TRIM9: variants seen among roughly 807,000 people sequenced by gnomAD.
TRIM9 encodes the protein E3 ubiquitin-protein ligase TRIM9.
Under a neutral mutation model 78.3 loss-of-function variants are expected in TRIM9, and 26 were observed. That is an observed-to-expected ratio of 0.33 (90% CI 0.24 to 0.46). The LOEUF (loss-of-function observed/expected upper bound fraction) is 0.46, where lower values mean the gene tolerates loss of function less well. Among genes scored for constraint, TRIM9 ranks in the 20% least tolerant of loss-of-function variants. The pLI, the probability that TRIM9 is intolerant of heterozygous loss-of-function variation, is 1.00. For missense variants in TRIM9, 787 were observed against 1,036.4 expected, an observed-to-expected ratio of 0.76 and a Z score of 3.30; for synonymous variants, 398 against 416.5, an observed-to-expected ratio of 0.96 and a Z score of 0.54.
At chr14:51,074,748 AGT>A (rs1289365186) in intron 1 of TRIM9, among the ~76,000 whole-genome samples, 1 of 152,228 alleles carries the variant, frequency 6.6e-6, no homozygotes, top group African/African-American at 2.4e-5. Flanking sequence ...AAAGCTGGTC[AGT>A]GTGTGTTCTC....
intron 5 of TRIM9, among the ~76,000 whole-genome samples, chr14:51,004,710 G>A (rs2139572593): frequency 6.6e-6 from 1 of 152,264 alleles, no homozygotes; most frequent in Admixed American, 6.5e-5. Context: ...TGAGGAAATG[G>A]AAACACAGTA....
At chr14:51,023,341 G>A (rs909007858) in intron 2 of TRIM9, among the ~76,000 whole-genome samples, 2 of 152,172 alleles carry the variant, frequency 1.3e-5, no homozygotes, top group Admixed American at 6.5e-5. Flanking sequence ...CATTGCTGAG[G>A]CACGAGAAAT....
At chr14:51,074,855 G>T (rs570352470) in intron 1 of TRIM9, among the ~76,000 whole-genome samples, 11 of 152,242 alleles carry the variant, frequency 7.2e-5, no homozygotes, top group Non-Finnish European at 1.2e-4. Context: ...CACTTCCAAG[G>T]CATAGGTAAA....
intron 1 of TRIM9, among the ~76,000 whole-genome samples, chr14:51,037,073 C>A (rs2059215562): frequency 1.3e-5 from 2 of 151,894 alleles, no homozygotes; most frequent in Admixed American, 1.3e-4. Context: ...CCATGTAAAC[C>A]AAGATTTGTC....
chr14:51,050,638 A>T (rs549262795), intron 1 of TRIM9, among the ~76,000 whole-genome samples: 1 of 152,322 alleles, frequency 6.6e-6, no homozygotes, highest in East Asian at 1.9e-4. Context: ...GACTGTCCCA[A>T]CCAAAAGAAT....
At chr14:51,012,067 CA>C (rs1310832480) in intron 3 of TRIM9, among the ~76,000 whole-genome samples, 2 of 152,142 alleles carry the variant, frequency 1.3e-5, no homozygotes, top group Non-Finnish European at 2.9e-5. Flanking sequence ...GTTATTGTGG[CA>C]AAATATACAC....
At chr14:51,020,906 T>C (rs888713611) in intron 3 of TRIM9, among the ~76,000 whole-genome samples, 34 of 152,222 alleles carry the variant, frequency 2.2e-4, no homozygotes, top group African/African-American at 8.2e-4. Context: ...CTGTTCACCA[T>C]GTTCTGTTAA....
At chr14:51,046,487 A>G (rs898111941) in intron 1 of TRIM9, among the ~76,000 whole-genome samples, 1 of 152,216 alleles carries the variant, frequency 6.6e-6, no homozygotes, top group Middle Eastern at 3.2e-3. Context: ...ATTTCTGTAC[A>G]TTAATTCTTA....
chr14:51,012,776 T>A (rs973976429), intron 3 of TRIM9, among the ~76,000 whole-genome samples: 1 of 152,232 alleles, frequency 6.6e-6, no homozygotes, highest in Non-Finnish European at 1.5e-5. Context: ...TGGTATCTCA[T>A]TGTGGTTTCA....
intron 7 of TRIM9, chr14:50,986,488 G>T (rs985913039): frequency 5.9e-6 from 1 of 170,136 alleles, no homozygotes; most frequent in Non-Finnish European, 1.2e-5. Context: ...TGATGACCAA[G>T]AGGATATTAT....
At chr14:51,045,006 C>T (rs141329193) in intron 1 of TRIM9, among the ~76,000 whole-genome samples, 120 of 152,228 alleles carry the variant, frequency 7.9e-4, no homozygotes, top group Non-Finnish European at 1.5e-3. Context: ...ATTTATTTGT[C>T]TAAGAGGGCG....
At chr14:51,020,020 GGA>G (rs1186917060) in intron 3 of TRIM9, among the ~76,000 whole-genome samples, 3 of 152,180 alleles carry the variant, frequency 2.0e-5, no homozygotes, top group African/African-American at 2.4e-5. Context: ...GATTGCTCAA[GGA>G]GAGAGAGTTG....
At chr14:51,018,888 C>G (rs1007202760) in intron 3 of TRIM9, among the ~76,000 whole-genome samples, 14 of 152,118 alleles carry the variant, frequency 9.2e-5, no homozygotes, top group African/African-American at 3.4e-4. Context: ...ATACATATCG[C>G]CTCTTACTAT....
intron 8 of TRIM9, 118 bp downstream of exon 8, chr14:50,985,834 CACAG>C (rs2052635732): frequency 1.1e-6 from 1 of 903,382 alleles, no homozygotes. Context: ...GAAAGCAGGC[CACAG>C]ACAGAGACTA....
intron 1 of TRIM9, among the ~76,000 whole-genome samples, chr14:51,076,817 G>T (rs187422211): frequency 6.6e-6 from 1 of 152,124 alleles, no homozygotes; most frequent in Non-Finnish European, 1.5e-5. Flanking sequence ...GCCTACCACC[G>T]TCCTTCCCAC....
intron 1 of TRIM9, among the ~76,000 whole-genome samples, chr14:51,090,339 A>G (rs553892779): frequency 6.6e-6 from 1 of 152,354 alleles, no homozygotes; most frequent in African/African-American, 2.4e-5. Flanking sequence ...TGCTACATAA[A>G]TATTTAATGA....
intron 1 of TRIM9, among the ~76,000 whole-genome samples, chr14:51,093,328 G>T (rs1415497693): frequency 6.6e-6 from 1 of 152,240 alleles, no homozygotes; most frequent in East Asian, 1.9e-4. Context: ...CTTGAATTCC[G>T]GAGAAGTGGG....
chr14:51,029,198 A>G (rs1473058671), intron 1 of TRIM9, among the ~76,000 whole-genome samples: 2 of 152,206 alleles, frequency 1.3e-5, no homozygotes, highest in Non-Finnish European at 2.9e-5. Context: ...GGACAAATGA[A>G]AAGAAGCTTT....
intron 1 of TRIM9, among the ~76,000 whole-genome samples, chr14:51,036,827 C>T (rs925544937): frequency 6.6e-6 from 1 of 152,184 alleles, no homozygotes; most frequent in Admixed American, 6.5e-5. Context: ...CTTAATCTGA[C>T]AGTTTTTCCC....
Sources: gnomAD v4.1 joint callset for allele counts (sites outside exome capture counted in the v4.1 genomes callset) on GRCh38, gnomAD v4.1.1 for gene constraint, MANE v1.5 for transcripts, NCBI Gene and HGNC (gene_info 2026-07-23, HGNC 2026-07-21) for gene names.